The following ABLIM1 variants were observed in gnomAD, a reference collection of about 807,000 sequenced individuals.
ABLIM1 encodes actin-binding LIM protein 1.
Under a neutral mutation model 107.0 loss-of-function variants are expected in ABLIM1, and 40 were observed. The ratio of observed to expected loss-of-function variants is 0.37; its 90% confidence interval spans 0.29 to 0.49. The LOEUF is 0.49. Among genes scored for constraint, ABLIM1 ranks in the 20% least tolerant of loss-of-function variants. The probability of loss-of-function intolerance (pLI) is 0.97; values close to 1 mark genes in which losing one functional copy is unlikely to be tolerated. For missense variants in ABLIM1, 857 were observed against 1,008.5 expected (o/e 0.85, Z 2.04); for synonymous variants, 357 against 357.3 (o/e 1.00, Z 0.01).
chr10:114,755,568 G>A (rs375774041), intron 1 of ABLIM1, among the ~76,000 whole-genome samples: 6 of 152,204 alleles, frequency 3.9e-5, no homozygotes, highest in African/African-American at 1.2e-4. Flanking sequence ...AGCTCTACGC[G>A]TTTGTGGCAT....
chr10:114,658,589 C>T (rs2079638202), upstream of ABLIM1, among the ~76,000 whole-genome samples: 2 of 152,316 alleles, frequency 1.3e-5, no homozygotes, highest in Admixed American at 6.5e-5. Flanking sequence ...GATATATACA[C>T]ATATTTTATA....
chr10:114,704,034 TAA>T (rs916622772), intron 1 of ABLIM1, among the ~76,000 whole-genome samples: 5 of 152,106 alleles, frequency 3.3e-5, no homozygotes, highest in African/African-American at 1.2e-4. Flanking sequence ...GTGCCAGAAA[TAA>T]AGATACTGGA....
chr10:114,522,296 G>A (rs779638775), intron 6 of ABLIM1, among the ~76,000 whole-genome samples: 1 of 152,094 alleles, frequency 6.6e-6, no homozygotes, highest in Non-Finnish European at 1.5e-5. Flanking sequence ...AGGAAACCTG[G>A]CAATCCACCC....
In ABLIM1 at chr10:114,435,254, C is replaced by T. The variant is rs1226245012; in HGVS notation, c.*1006G>A. 3.9e-5 allele frequency: 6 copies of T among 152,224 alleles called. No individual in the cohort carries two copies. Among genetic ancestry groups the T allele is most frequent in the Non-Finnish European group, 7.3e-5 (5 of 68,046 alleles). The allele number at this position is 152,224 out of a possible 1,614,324, so 9.4% of individuals were successfully genotyped here. A position where few individuals can be genotyped will look rare whatever the true frequency, so the allele number is the denominator to read the frequency against. On this transcript the variant is annotated 3_prime_UTR_variant, in exon 23 of 23. Transcript: ENST00000533213. ...TGAAAGAAACCTTAAAAACCAACAA[C>T]AGCATGGGCTTGATCTGATTCATAG... is the stretch of plus-strand genomic sequence containing the variant.
At chr10:114,657,824 C>A (rs1001918655) in intron 1 of ABLIM1, 133 bp downstream of exon 1, 1 of 760,638 alleles carries the variant, frequency 1.3e-6, no homozygotes, top group African/African-American at 1.7e-5. Flanking sequence ...CCACCCTCAC[C>A]CCCATTAATT....
intron 1 of ABLIM1, among the ~76,000 whole-genome samples, chr10:114,704,332 A>ATC (rs2081374667): frequency 1.8e-5 from 1 of 56,848 alleles, no homozygotes; most frequent in African/African-American, 6.6e-5. Context: ...ATATATATAT[A>ATC]TATTGCGCGC....
intron 1 of ABLIM1, among the ~76,000 whole-genome samples, chr10:114,696,750 T>TAAAC (rs1351510473): frequency 1.3e-5 from 2 of 152,204 alleles, no homozygotes; most frequent in Non-Finnish European, 2.9e-5. Context: ...GTGAGTCCAT[T>TAAAC]AAACCTCTTT....
rs760809071 is a variant in ABLIM1 at position 114,684,308 on chromosome 10, T to C, written c.46A>G (p.Thr16Ala). 40 of 1,613,986 alleles carry C rather than the reference T, an allele frequency of 2.5e-5. No individual in the cohort carries two copies. The Admixed American group carries it at 6.7e-4, about 27-fold the overall frequency. The change falls in exon 1 of 24, where the codon ACC (threonine) becomes GCC (alanine). Residue 16 changes from threonine (T) to alanine (A), a missense_variant. Coordinates refer to the ABLIM1 transcript ENST00000369256. ...GTCTAACCTTTGTAGTCTCCCATGGTGTGATGAGGGTCCGTGAGCTCAGTC... is the reference window on the plus strand; with the variant it reads ...GTCTAACCTTTGTAGTCTCCCATGGCGTGATGAGGGTCCGTGAGCTCAGTC...
At chr10:114,637,883 A>T (rs2078559330) in intron 1 of ABLIM1, among the ~76,000 whole-genome samples, 2 of 152,238 alleles carry the variant, frequency 1.3e-5, no homozygotes, top group South Asian at 4.1e-4. Flanking sequence ...GTTTACTACC[A>T]GCTTTCTCTT....
chr10:114,575,307 G>C (rs917655732), intron 3 of ABLIM1, 109 bp downstream of exon 3: 25 of 1,213,408 alleles, frequency 2.1e-5, no homozygotes, highest in Non-Finnish European at 2.7e-5. Flanking sequence ...CTAAGGATAA[G>C]AGTATGTGCT....
chr10:114,689,969 T>G (rs1025180592), upstream of ABLIM1, among the ~76,000 whole-genome samples: 6 of 152,138 alleles, frequency 3.9e-5, no homozygotes, highest in Non-Finnish European at 7.3e-5. Flanking sequence ...AATCATAAAC[T>G]TAACTCAACT....
At chr10:114,783,141 G>A in the ABLIM1 span, among the ~76,000 whole-genome samples, 1 of 151,964 alleles carries the variant, frequency 6.6e-6, no homozygotes, top group Admixed American at 6.6e-5. Flanking sequence ...AATTAGCTGG[G>A]TGTGGTGGTG....
intron 1 of ABLIM1, chr10:114,690,535 G>C: frequency 2.2e-6 from 3 of 1,341,498 alleles, no homozygotes; most frequent in Non-Finnish European, 2.1e-6. Context: ...AGAACACGAA[G>C]GTTTTCTGCT....
chr10:114,544,496 C>T (rs531140491), intron 6 of ABLIM1, among the ~76,000 whole-genome samples: 4 of 152,318 alleles, frequency 2.6e-5, no homozygotes, highest in South Asian at 4.1e-4. Context: ...TCAGCTCAGC[C>T]CCGGCCACAG....
chr10:114,539,998 T>C (rs992683418), intron 6 of ABLIM1, among the ~76,000 whole-genome samples: 2 of 152,194 alleles, frequency 1.3e-5, no homozygotes, highest in African/African-American at 2.4e-5. Flanking sequence ...AGGAGGCAGG[T>C]TGTAAATATC....
intron 1 of ABLIM1, among the ~76,000 whole-genome samples, chr10:114,640,810 C>A (rs903208772): frequency 5.3e-5 from 8 of 151,982 alleles, no homozygotes; most frequent in African/African-American, 1.7e-4. Flanking sequence ...ATAAGAACTA[C>A]TGAGTTGAGA....
intron 6 of ABLIM1, among the ~76,000 whole-genome samples, chr10:114,524,143 C>G (rs1054439459): frequency 1.3e-5 from 2 of 152,176 alleles, no homozygotes; most frequent in Non-Finnish European, 2.9e-5. Context: ...CACCACTAAG[C>G]ACTATGCAGT....
chr10:114,448,147 C>T (rs2061322608), intron 14 of ABLIM1, 127 bp from the exon 15 acceptor site: 17 of 1,203,584 alleles, frequency 1.4e-5, no homozygotes, highest in South Asian at 4.5e-5. Context: ...CTGTTTATTA[C>T]CATTATCCAT....
At chr10:114,713,668 C>G (rs1447704742) in intron 1 of ABLIM1, among the ~76,000 whole-genome samples, 1 of 152,150 alleles carries the variant, frequency 6.6e-6, no homozygotes, top group East Asian at 1.9e-4. Flanking sequence ...TTACGGGCTG[C>G]TCCCCATTTC....
Sources: gnomAD v4.1 joint callset for allele counts (sites outside exome capture counted in the v4.1 genomes callset) on GRCh38, gnomAD v4.1.1 for gene constraint, MANE v1.5 for transcripts, NCBI Gene and HGNC (gene_info 2026-07-23, HGNC 2026-07-21) for gene names.